RB1: variants seen among roughly 807,000 people sequenced by gnomAD.
RB1 encodes the protein RB transcriptional corepressor 1, also known as retinoblastoma-associated protein.
In RB1, 18 loss-of-function variants were observed where a neutral mutation model predicts 135.4. That is an observed-to-expected ratio of 0.13 (90% CI 0.09 to 0.20). The LOEUF (loss-of-function observed/expected upper bound fraction) is 0.20, where lower values mean the gene tolerates loss of function less well. RB1 is among the 10% of genes least tolerant of loss of function. The pLI is 1.00. For synonymous variants in RB1, 365 were observed against 373.2 expected (o/e 0.98, Z 0.25); for missense variants, 868 against 1,110.0 (o/e 0.78, Z 3.10).
rs1028372469 is a variant in RB1 at position 48,471,575 on chromosome 13, A to T, written c.2490-1785A>T. On this transcript the variant is annotated intron_variant, in intron 23 of 26. Coordinates refer to ENST00000267163, the MANE Select transcript of RB1 (RefSeq NM_000321.3). Reference sequence around the variant, plus strand: ...TAGAGTATAATAAAAAATATAAATAAAAAAAAAAAAAAGAAAATCTATTTA... The same window carrying T: ...TAGAGTATAATAAAAAATATAAATATAAAAAAAAAAAAGAAAATCTATTTA... 6.1e-4 allele frequency among the ~76,000 whole-genome samples: 89 copies of T among 147,106 alleles called. 2 individuals are homozygous for T. Among genetic ancestry groups the T allele is most frequent in the Non-Finnish European group, 5.5e-4 (36 of 66,008 alleles).
intron 2 of RB1, among the ~76,000 whole-genome samples, chr13:48,332,807 G>A (rs1038375452): frequency 2.6e-5 from 4 of 152,100 alleles, no homozygotes; most frequent in African/African-American, 7.2e-5. Flanking sequence ...TATGTTCCAA[G>A]ACCCTCAGTA....
intron 13 of RB1, among the ~76,000 whole-genome samples, chr13:48,379,172 G>A (rs573973436): frequency 6.6e-6 from 1 of 152,188 alleles, no homozygotes; most frequent in South Asian, 2.1e-4. Context: ...AATAGTACTG[G>A]GCACATAACC....
rs534145250 is a variant in RB1, at chr13:48,465,821, C to T, written c.2489+453C>T. Reference sequence around the variant, plus strand: ...CGGACGCACCTGGAAAATCGGGTCACTCCCACCCGAATATTGCACTTTTCA... The same window carrying T: ...CGGACGCACCTGGAAAATCGGGTCATTCCCACCCGAATATTGCACTTTTCA... On this transcript the variant is annotated intron_variant, in intron 23 of 26. Coordinates refer to ENST00000267163, the MANE Select transcript of RB1 (RefSeq NM_000321.3). 4.0e-5 allele frequency among the ~76,000 whole-genome samples: 6 copies of T among 151,436 alleles called. No individual in the cohort carries two copies. The South Asian group carries it at 1.3e-3, about 32-fold the overall frequency.
intron 11 of RB1, among the ~76,000 whole-genome samples, chr13:48,369,913 A>C (rs198614): frequency 0.78 from 118,883 of 152,134 alleles, 52,235 homozygotes; most frequent in Non-Finnish European, 0.97. Context: ...ATAGCCTTAA[A>C]ATTCCATATC....
chr13:48,339,270 G>A (rs889029302), intron 2 of RB1, among the ~76,000 whole-genome samples: 3 of 152,192 alleles, frequency 2.0e-5, no homozygotes, highest in Admixed American at 6.5e-5. Flanking sequence ...TGCCCCCAGA[G>A]GTGGAATCTA....
At chr13:48,377,773 T>G (rs1952842566) in intron 13 of RB1, among the ~76,000 whole-genome samples, 1 of 152,172 alleles carries the variant, frequency 6.6e-6, no homozygotes, top group Non-Finnish European at 1.5e-5. Flanking sequence ...AATTTTGTTG[T>G]GTGAACCTGG....
chr13:48,317,845 G>A, intron 2 of RB1: 1 of 375,410 alleles, frequency 2.7e-6, no homozygotes, highest in Non-Finnish European at 5.1e-6. Flanking sequence ...AGGCGGTGGG[G>A]CCCGCTCCTT....
chr13:48,391,214 G>C (rs1362909569), intron 17 of RB1, among the ~76,000 whole-genome samples: 1 of 152,034 alleles, frequency 6.6e-6, no homozygotes, highest in Non-Finnish European at 1.5e-5. Context: ...TACAGTATAA[G>C]AATCTTAGAA....
intron 2 of RB1, among the ~76,000 whole-genome samples, chr13:48,314,146 G>T (rs781474422): frequency 6.6e-6 from 1 of 152,026 alleles, no homozygotes; most frequent in East Asian, 1.9e-4. Context: ...GACAACTTTG[G>T]TTTTCTTTTT....
chr13:48,392,115 T>C (rs1490313211), intron 17 of RB1, among the ~76,000 whole-genome samples: 4 of 152,062 alleles, frequency 2.6e-5, no homozygotes, highest in Non-Finnish European at 4.4e-5. Context: ...CTTGTTTCTT[T>C]TTTTCTTTTT....
chr13:48,435,445 T>G (rs1363354061), intron 17 of RB1, among the ~76,000 whole-genome samples: 1 of 152,202 alleles, frequency 6.6e-6, no homozygotes, highest in Non-Finnish European at 1.5e-5. Flanking sequence ...TTTTGAGGGT[T>G]CTTTATATGT....
At chr13:48,416,374 T>A (rs904444369) in intron 17 of RB1, 1 of 152,288 alleles carries the variant, frequency 6.6e-6, no homozygotes, top group African/African-American at 2.4e-5. Flanking sequence ...TGAGGGAATG[T>A]GCCACGAGGA....
chr13:48,398,819 G>C (rs1948667790), intron 17 of RB1, among the ~76,000 whole-genome samples: 1 of 152,036 alleles, frequency 6.6e-6, no homozygotes, highest in South Asian at 2.1e-4. Context: ...TTTATTCTAA[G>C]TGAAAGCATA....
At chr13:48,441,093 T>C (rs1282115714) in intron 17 of RB1, among the ~76,000 whole-genome samples, 1 of 152,190 alleles carries the variant, frequency 6.6e-6, no homozygotes, top group Non-Finnish European at 1.5e-5. Flanking sequence ...TGGTGGCTTA[T>C]AAACAACAGA....
chr13:48,364,825 G>T lies in RB1; in HGVS notation c.862-69G>T. The T allele has an allele frequency of 1.1e-5, 16 of 1,515,982 alleles. No individual in the cohort carries two copies. The South Asian group carries it at 1.9e-4, about 18-fold the overall frequency. 93.9% of individuals were successfully genotyped at this position (1,515,982 alleles called of 1,614,324 possible). On this transcript the variant is annotated intron_variant, in intron 8 of 26. Coordinates refer to ENST00000267163, the MANE Select transcript of RB1 (RefSeq NM_000321.3). ...TGACACCTCTAACTTACCCTGCATT[G>T]TTCAAGAGTCAAGAGATTAGATTTT...
At chr13:48,337,095 C>T (rs1026466724) in intron 2 of RB1, among the ~76,000 whole-genome samples, 6 of 152,126 alleles carry the variant, frequency 3.9e-5, no homozygotes, top group African/African-American at 1.4e-4. Flanking sequence ...GAGAGCTTTA[C>T]TTCCAACTAT....
intron 17 of RB1, among the ~76,000 whole-genome samples, chr13:48,396,207 G>C (rs1948646862): frequency 6.6e-6 from 1 of 152,066 alleles, no homozygotes; most frequent in Non-Finnish European, 1.5e-5. Flanking sequence ...TAAGCAAAAA[G>C]AACAAAGCTG....
chr13:48,473,436 A>T, intron 24 of RB1, 46 bp downstream of exon 24: 2 of 1,460,828 alleles, frequency 1.4e-6, no homozygotes, highest in South Asian at 2.3e-5. Flanking sequence ...CATTGTAAGT[A>T]TAAAAGAAAT....
intron 17 of RB1, among the ~76,000 whole-genome samples, chr13:48,382,942 T>C (rs1210783312): frequency 1.3e-5 from 2 of 152,158 alleles, no homozygotes; most frequent in Admixed American, 6.5e-5. Context: ...CACCATTTAT[T>C]AAATAGGGAA....
Sources: allele counts gnomAD v4.1 joint callset (sites outside exome capture counted in the v4.1 genomes callset), GRCh38; gene constraint gnomAD v4.1.1; transcripts MANE v1.5; gene names NCBI Gene and HGNC (gene_info 2026-07-23, HGNC 2026-07-21).